The following HRH1 variants were observed in gnomAD, a reference collection of about 807,000 sequenced individuals.
HRH1 encodes the protein histamine H1 receptor.
A neutral mutation model predicts 10.3 loss-of-function variants in HRH1; 6 were observed. That is an observed-to-expected ratio of 0.58 (90% CI 0.32 to 1.15). The LOEUF (loss-of-function observed/expected upper bound fraction) is 1.15. Among genes scored for constraint, HRH1 ranks in the 50% most tolerant of loss-of-function variants. The probability of loss-of-function intolerance (pLI) is 0.05; values close to 1 mark genes in which losing one functional copy is unlikely to be tolerated. For synonymous variants in HRH1, 242 were observed against 236.7 expected, an observed-to-expected ratio of 1.02 and a Z score of -0.21; for missense variants, 514 against 615.3, an observed-to-expected ratio of 0.84 and a Z score of 1.74.
intron 1 of HRH1, among the ~76,000 whole-genome samples, chr3:11,230,925 C>T (rs1038799375): frequency 6.6e-6 from 1 of 152,220 alleles, no homozygotes; most frequent in African/African-American, 2.4e-5. Flanking sequence ...TCACAACCAA[C>T]ATATGGACAT....
intron 1 of HRH1, among the ~76,000 whole-genome samples, chr3:11,220,769 C>T (rs1938686034): frequency 6.6e-6 from 1 of 152,192 alleles, no homozygotes; most frequent in African/African-American, 2.4e-5. Context: ...CTCAAAGATT[C>T]ACTTTTTCCC....
intron 1 of HRH1, among the ~76,000 whole-genome samples, chr3:11,214,683 G>C (rs766951857): frequency 2.6e-5 from 4 of 152,228 alleles, no homozygotes; most frequent in Non-Finnish European, 4.4e-5. Context: ...GGGCCCAGGG[G>C]CCAGGACTTT....
chr3:11,259,179 G>A lies in HRH1; in HGVS notation c.142G>A (p.Val48Met). Reference sequence around the variant, plus strand: ...GGTCACAGTAGGGCTCAACCTGCTGGTGCTGTATGCCGTACGGAGTGAGCG... The same window carrying A: ...GGTCACAGTAGGGCTCAACCTGCTGATGCTGTATGCCGTACGGAGTGAGCG... ...CLVTVGLNLL[V>M]LYAVRSERKL... The change falls in exon 2 of 2, where the codon GTG becomes ATG. Residue 48 changes from valine (V) to methionine (M), a missense_variant. Coordinates refer to ENST00000431010, the MANE Select transcript of HRH1 (RefSeq NM_001098212.2). The surrounding 1 kb of genome is among the most constrained non-coding windows in gnomAD (Gnocchi z 4.6). 1 of 1,613,874 alleles carries A rather than the reference G, an allele frequency of 6.2e-7. No individual in the cohort carries two copies. The highest frequency in any genetic ancestry group is 1.1e-5 in the South Asian group (1 of 91,056).
chr3:11,242,775 A>G (rs1355135924), intron 1 of HRH1, among the ~76,000 whole-genome samples: 1 of 152,228 alleles, frequency 6.6e-6, no homozygotes, highest in Non-Finnish European at 1.5e-5. Flanking sequence ...ACCAAAAGGT[A>G]TGGTACAATA....
At chr3:11,197,974 G>T (rs1011372761) in intron 1 of HRH1, among the ~76,000 whole-genome samples, 1 of 152,060 alleles carries the variant, frequency 6.6e-6, no homozygotes, top group Admixed American at 6.5e-5. Flanking sequence ...CGGAGGCTGC[G>T]CTCGACTCTG....
chr3:11,191,040 A>G (rs1465302312), intron 1 of HRH1, among the ~76,000 whole-genome samples: 5 of 152,030 alleles, frequency 3.3e-5, no homozygotes, highest in Admixed American at 6.6e-5. Context: ...TCCCTTTTTC[A>G]GCACTGTGCA....
chr3:11,223,278 G>A (rs771685212), intron 1 of HRH1, among the ~76,000 whole-genome samples: 2 of 147,722 alleles, frequency 1.4e-5, no homozygotes, highest in African/African-American at 2.5e-5. Flanking sequence ...TGGACCACAA[G>A]GTTAGGAGAT....
intron 1 of HRH1, among the ~76,000 whole-genome samples, chr3:11,140,626 T>C (rs1936274579): frequency 6.6e-6 from 1 of 152,004 alleles, no homozygotes; most frequent in East Asian, 1.9e-4. Context: ...GAAACCTCCC[T>C]CAGAGGAGCC....
chr3:11,203,144 T>A (rs146753073), intron 1 of HRH1, among the ~76,000 whole-genome samples: 234 of 152,348 alleles, frequency 1.5e-3, no homozygotes, highest in African/African-American at 5.2e-3. Flanking sequence ...AGTTTACCCA[T>A]TCACTTACCA....
chr3:11,209,588 A>C (rs1938254396), intron 1 of HRH1, among the ~76,000 whole-genome samples: 1 of 152,226 alleles, frequency 6.6e-6, no homozygotes, highest in African/African-American at 2.4e-5. Flanking sequence ...TATATATAAC[A>C]AAATGTCATG....
At chr3:11,196,139 G>C (rs1226575129) in intron 1 of HRH1, among the ~76,000 whole-genome samples, 2 of 152,160 alleles carry the variant, frequency 1.3e-5, no homozygotes, top group African/African-American at 4.8e-5. Flanking sequence ...GGTGCCCCTG[G>C]TGTTCTTAGG....
At position 11,232,657 on chromosome 3, in the gene HRH1, A is replaced by C. The variant is rs141538755; in HGVS notation, c.-35-26346A>C. 3.1e-4 allele frequency among the ~76,000 whole-genome samples: 47 copies of C among 152,342 alleles called. No homozygotes were observed. The East Asian group carries it at 8.1e-3, about 26-fold the overall frequency. ...TATACATTTTAGAAGAGTCTTGTCT[A>C]TATCCGTAAGACATCTTGCTGATAT... is the stretch of plus-strand genomic sequence containing the variant. On this transcript the variant is annotated intron_variant, in intron 1 of 1. Transcript: ENST00000431010.
At chr3:11,181,924 C>T (rs906983377) in intron 1 of HRH1, among the ~76,000 whole-genome samples, 6 of 152,166 alleles carry the variant, frequency 3.9e-5, no homozygotes, top group African/African-American at 1.4e-4. Context: ...AGCCACCACG[C>T]CTGGCCCCCT....
intron 1 of HRH1, among the ~76,000 whole-genome samples, chr3:11,161,740 G>A (rs887362370): frequency 6.6e-6 from 1 of 152,194 alleles, no homozygotes; most frequent in Non-Finnish European, 1.5e-5. Context: ...GTTGTATCAG[G>A]AGCTCAATAA....
At chr3:11,204,278 T>C (rs537053170) in intron 1 of HRH1, among the ~76,000 whole-genome samples, 7 of 152,304 alleles carry the variant, frequency 4.6e-5, no homozygotes, top group Non-Finnish European at 8.8e-5. Context: ...TGGAGCTTAC[T>C]GTCTGTGGGA....
Position 11,263,429 on chromosome 3 carries a change from G to C in HRH1, c.*2928G>C, listed in dbSNP as rs1028012001. On this transcript the variant is annotated 3_prime_UTR_variant, in exon 2 of 2. Transcript: ENST00000431010. ...TGGCAAGGCATGGTGGCTCATGCCT[G>C]TAATCCCAGCACACTGGGAGGCTGA... 1 of 167,080 alleles carries C rather than the reference G, an allele frequency of 6.0e-6. No homozygotes were observed. Among genetic ancestry groups the C allele is most frequent in the Non-Finnish European group, 1.5e-5 (1 of 68,172 alleles). 10.3% of individuals were successfully genotyped at this position (167,080 alleles called of 1,614,324 possible).
At chr3:11,240,054 A>G (rs1240384630) in intron 1 of HRH1, among the ~76,000 whole-genome samples, 1 of 152,118 alleles carries the variant, frequency 6.6e-6, no homozygotes, top group Non-Finnish European at 1.5e-5. Context: ...CTTCTGGTTC[A>G]ATCACGTGTG....
intron 1 of HRH1, among the ~76,000 whole-genome samples, chr3:11,237,583 C>T (rs979693404): frequency 2.9e-5 from 4 of 139,848 alleles, no homozygotes; most frequent in East Asian, 3.9e-4. Context: ...AAGGATTAAA[C>T]GATTGAGGAT....
intron 1 of HRH1, among the ~76,000 whole-genome samples, chr3:11,188,335 C>G (rs1937482718): frequency 6.6e-6 from 1 of 152,180 alleles, no homozygotes; most frequent in African/African-American, 2.4e-5. Context: ...GGTGAGGTGG[C>G]TGACACTTGT....
Sources: gnomAD v4.1 joint callset for allele counts (sites outside exome capture counted in the v4.1 genomes callset) on GRCh38, gnomAD v4.1.1 for gene constraint, Gnocchi (gnomAD v3.1) non-coding constraint, MANE v1.5 for transcripts, NCBI Gene and HGNC (gene_info 2026-07-23, HGNC 2026-07-21) for gene names.